The following EHD4 variants were observed in gnomAD, a reference collection of about 807,000 sequenced individuals.
EHD4 encodes the protein EH domain-containing protein 4.
Under a neutral mutation model 51.0 loss-of-function variants are expected in EHD4, and 37 were observed. That is an observed-to-expected ratio of 0.73 (90% CI 0.56 to 0.95). EHD4 has a LOEUF of 0.95. Ranked by LOEUF, EHD4 falls within the 40% of genes least tolerant of loss-of-function variation. The probability of loss-of-function intolerance (pLI) is 0.00; values close to 1 mark genes in which losing one functional copy is unlikely to be tolerated. For synonymous variants in EHD4, 297 were observed against 317.3 expected (o/e 0.94, Z 0.68); for missense variants, 632 against 733.1 (o/e 0.86, Z 1.59).
Position 41,896,864 on chromosome 15 carries a change from G to C in EHD4, c.*3781C>G, listed in dbSNP as rs1280001488. On this transcript the variant is annotated 3_prime_UTR_variant, in exon 6 of 6. Coordinates refer to ENST00000220325, the MANE Select transcript of EHD4 (RefSeq NM_139265.4). ...ATGGGGCCGCTTTCCTTCTGAAGCG[G>C]CTGCATTTTGGGTTTCTCTCCACAG... is the stretch of plus-strand genomic sequence containing the variant. The C allele has an allele frequency of 1.3e-5, 2 of 152,140 alleles. No homozygotes were observed. Among genetic ancestry groups the C allele is most frequent in the Non-Finnish European group, 2.9e-5 (2 of 68,038 alleles). 9.4% of individuals were successfully genotyped at this position (152,140 alleles called of 1,614,324 possible). A position where few individuals can be genotyped will look rare whatever the true frequency, so the allele number is the denominator to read the frequency against.
At chr15:41,946,981 T>G (rs1032825957) in intron 2 of EHD4, among the ~76,000 whole-genome samples, 3 of 152,188 alleles carry the variant, frequency 2.0e-5, no homozygotes, top group African/African-American at 7.2e-5. Flanking sequence ...TTGAAGTACT[T>G]TCCATGCACA....
At chr15:41,965,294 G>A (rs1425374866) in intron 1 of EHD4, among the ~76,000 whole-genome samples, 3 of 152,122 alleles carry the variant, frequency 2.0e-5, no homozygotes, top group Non-Finnish European at 4.4e-5. Flanking sequence ...AATGCTCATC[G>A]TATCATATTA....
chr15:41,919,698 T>C, intron 3 of EHD4, 76 bp from the exon 4 acceptor site: 4 of 1,382,800 alleles, frequency 2.9e-6, no homozygotes, highest in Non-Finnish European at 3.8e-6. Context: ...AGGAACAGTC[T>C]CGCTCTCCAG....
intron 3 of EHD4, among the ~76,000 whole-genome samples, chr15:41,925,459 C>T (rs2067655018): frequency 6.6e-6 from 1 of 152,196 alleles, no homozygotes; most frequent in Admixed American, 6.5e-5. Context: ...TGGCCTGGGG[C>T]ATGGAACGAT....
At chr15:41,949,168 A>G (rs2067837007) in intron 2 of EHD4, among the ~76,000 whole-genome samples, 1 of 151,044 alleles carries the variant, frequency 6.6e-6, no homozygotes, top group Non-Finnish European at 1.5e-5. Context: ...TCAGGAATTC[A>G]AGACCAGCCT....
At chr15:41,937,448 G>T (rs897711362) in intron 3 of EHD4, among the ~76,000 whole-genome samples, 2 of 152,196 alleles carry the variant, frequency 1.3e-5, no homozygotes, top group South Asian at 4.1e-4. Flanking sequence ...GGCCTACAGC[G>T]CCCTGCCTTG....
In EHD4 at chr15:41,937,926, T is replaced by C. The variant is rs1297003116; in HGVS notation, c.511+5141A>G. Among the ~76,000 whole-genome samples the C allele has an allele frequency of 5.9e-5, 9 of 152,306 alleles. No individual in the cohort carries two copies. In the South Asian group the frequency reaches 8.3e-4, roughly 14 times the overall value. ...GTGTTTTGGATTTCAGATTTTCTGATTGGGGAATATCTGCACATACATATA... is the reference window on the plus strand; with the variant it reads ...GTGTTTTGGATTTCAGATTTTCTGACTGGGGAATATCTGCACATACATATA... On this transcript the variant is annotated intron_variant, in intron 3 of 5. Transcript: ENST00000220325.
chr15:41,952,041 A>G (rs1282348532), intron 2 of EHD4, among the ~76,000 whole-genome samples: 8 of 152,232 alleles, frequency 5.3e-5, no homozygotes, highest in Non-Finnish European at 1.5e-5. Context: ...TTGATTTGCA[A>G]TAGGATCATC....
rs199591240 is a variant in EHD4, at chr15:41,954,479, CTG to C, written c.237-541_237-540del. Among the ~76,000 whole-genome samples the C allele has an allele frequency of 4.6e-3, 703 of 152,306 alleles. 30 individuals carry two copies. Among genetic ancestry groups the C allele is most frequent in the Admixed American group, 0.04 (617 of 15,298 alleles). ...CTTCTTTGTTTCTAAAAAGTTTTGA[CTG>C]ATTCTAATGTAAGCCCACAATCTGT... On this transcript the variant is annotated intron_variant, in intron 1 of 5. Transcript: ENST00000220325.
Position 41,953,828 on chromosome 15 carries a change from A to C in EHD4, c.349T>G (p.Leu117Val), listed in dbSNP as rs1230585801. The C allele has an allele frequency of 1.2e-6, 2 of 1,613,840 alleles. No individual in the cohort carries two copies. The highest frequency in any genetic ancestry group is 1.7e-6 in the Non-Finnish European group (2 of 1,179,986). The part of the protein sequence containing the change: ...ETEGSTPGNA[L>V]VVDPKKPFRK... ...AACGGCTTTTTGGGGTCCACGACTA[A>C]AGCATTCCCTGGGGTGCTGCCCTCA... Residue 117 changes from leucine (L) to valine (V), a missense_variant, in exon 2 of 6, where the codon TTA becomes GTA. Physicochemically the swap from Leu to Val is conservative, Grantham distance 32. Coordinates refer to ENST00000220325, the MANE Select transcript of EHD4 (RefSeq NM_139265.4).
chr15:41,966,711 CCTGAAG>C (rs2067963994), intron 1 of EHD4, among the ~76,000 whole-genome samples: 1 of 152,176 alleles, frequency 6.6e-6, no homozygotes, highest in Non-Finnish European at 1.5e-5. Context: ...CTGGGCCAAG[CCTGAAG>C]CTTGCACATC....
In EHD4 at chr15:41,900,634, C is replaced by T. The variant is rs775988621; in HGVS notation, c.*11G>A. On this transcript the variant is annotated 3_prime_UTR_variant, in exon 6 of 6. Coordinates refer to ENST00000220325, the MANE Select transcript of EHD4 (RefSeq NM_139265.4). The surrounding 1 kb of genome is among the most constrained non-coding windows in gnomAD (Gnocchi z 4.8). ...GTCCCCCAGTTCCCACCCCGTTCTG[C>T]AGCCCACCCCTCAGTCGGCCTTGGG... 6.4e-7 allele frequency: 1 copy of T among 1,572,256 alleles called. No homozygotes were observed. The highest frequency in any genetic ancestry group is 1.1e-5 in the South Asian group (1 of 87,344).
intron 3 of EHD4, among the ~76,000 whole-genome samples, chr15:41,932,478 G>T (rs1648860): frequency 0.065 from 9,946 of 152,282 alleles, 460 homozygotes; most frequent in African/African-American, 0.13. Context: ...TGCATACATG[G>T]TCTGATTTGT....
chr15:41,967,268 G>T (rs1301470435), intron 1 of EHD4, among the ~76,000 whole-genome samples: 1 of 152,074 alleles, frequency 6.6e-6, no homozygotes, highest in Non-Finnish European at 1.5e-5. Context: ...TCTCAGGGAG[G>T]CAGCCTTTTC....
At chr15:41,934,515 T>A (rs892055725) in intron 3 of EHD4, among the ~76,000 whole-genome samples, 1 of 152,066 alleles carries the variant, frequency 6.6e-6, no homozygotes, top group Non-Finnish European at 1.5e-5. Context: ...TGGGTCTCTC[T>A]ATGCTGCCCA....
chr15:41,929,534 T>C (rs139935328), intron 3 of EHD4, among the ~76,000 whole-genome samples: 1 of 152,282 alleles, frequency 6.6e-6, no homozygotes, highest in East Asian at 1.9e-4. Flanking sequence ...TCAGATTAAA[T>C]ACCAGATGAA....
At position 41,901,113 on chromosome 15, in the gene EHD4, G is replaced by A; in HGVS notation, c.1158C>T (p.Asp386=). Residue 386 remains aspartate, a synonymous_variant, in exon 6 of 6, where the codon GAC becomes GAT. Coordinates refer to ENST00000220325, the MANE Select transcript of EHD4 (RefSeq NM_139265.4). The part of the protein sequence containing the change: ...SLKPKLIEAV[D]NMLSNKISPL... ...GCGAGATCTTGTTGCTCAGCATGTT[G>A]TCCACTGCCTCGATCAGCTTGGGCT... 6.2e-7 allele frequency: 1 copy of A among 1,607,420 alleles called. No homozygotes were observed. Among genetic ancestry groups the A allele is most frequent in the Non-Finnish European group, 8.5e-7 (1 of 1,177,190 alleles).
At chr15:41,963,820 T>C (rs2067943383) in intron 1 of EHD4, among the ~76,000 whole-genome samples, 1 of 151,884 alleles carries the variant, frequency 6.6e-6, no homozygotes, top group Non-Finnish European at 1.5e-5. Context: ...TTGATATCTG[T>C]TACTGAGAAA....
At chr15:41,955,951 G>A (rs2067884824) in intron 1 of EHD4, among the ~76,000 whole-genome samples, 1 of 152,200 alleles carries the variant, frequency 6.6e-6, no homozygotes. Flanking sequence ...ACGCCCTGTG[G>A]CCTGGATGGG....
Sources: allele counts gnomAD v4.1 joint callset (sites outside exome capture counted in the v4.1 genomes callset), GRCh38; gene constraint gnomAD v4.1.1; non-coding constraint Gnocchi (gnomAD v3.1); transcripts MANE v1.5; gene names NCBI Gene and HGNC (gene_info 2026-07-23, HGNC 2026-07-21).